RAB3C: variants seen among roughly 807,000 people sequenced by gnomAD.
RAB3C encodes the protein RAB3C, member RAS oncogene family.
A neutral mutation model predicts 26.4 loss-of-function variants in RAB3C; 17 were observed. The ratio of observed to expected loss-of-function variants is 0.64; its 90% CI spans 0.44 to 0.97. RAB3C has a LOEUF of 0.97. RAB3C is among the 50% of genes least tolerant of loss of function. The pLI, the probability that RAB3C is intolerant of heterozygous loss-of-function variation, is 0.00. For missense variants in RAB3C, 242 were observed against 281.9 expected (o/e 0.86, Z 1.01); for synonymous variants, 91 against 95.9 (o/e 0.95, Z 0.30).
chr5:58,740,142 C>T (rs1741246005), intron 3 of RAB3C, among the ~76,000 whole-genome samples: 1 of 152,180 alleles, frequency 6.6e-6, no homozygotes, highest in Non-Finnish European at 1.5e-5. Flanking sequence ...GGAGCCAGGC[C>T]AGGCAGGGGC....
chr5:58,756,336 ACATATATATGTTATATATATATAT>A, intron 3 of RAB3C, among the ~76,000 whole-genome samples: 1 of 138,744 alleles, frequency 7.2e-6, no homozygotes, highest in South Asian at 2.2e-4. Context: ...TATATATATA[ACATATATATGTTATATATATATAT>A]AACATATATA....
At chr5:58,638,204 AATT>A (rs2111762420) in intron 2 of RAB3C, among the ~76,000 whole-genome samples, 1 of 152,202 alleles carries the variant, frequency 6.6e-6, no homozygotes, top group East Asian at 1.9e-4. Flanking sequence ...TGCTTGTCAT[AATT>A]ATTCTTTTGA....
Position 58,708,883 on chromosome 5 carries a change from T to C in RAB3C, c.253-17119T>C, listed in dbSNP as rs114003194. Among the ~76,000 whole-genome samples, 402 of 152,362 alleles carry C rather than the reference T, an allele frequency of 2.6e-3. 1 individual carries two copies. Among genetic ancestry groups the C allele is most frequent in the African/African-American group, 8.9e-3 (370 of 41,586 alleles). On this transcript the variant is annotated intron_variant, in intron 2 of 4. Coordinates refer to ENST00000282878, the MANE Select transcript of RAB3C (RefSeq NM_138453.4). ...GAAAATAAAGAATTAAATTTTGCTG[T>C]ATACATGGGTTTTATTTCTCCAACA... is the stretch of plus-strand genomic sequence containing the variant.
intron 2 of RAB3C, among the ~76,000 whole-genome samples, chr5:58,670,218 A>G (rs1456666487): frequency 6.6e-6 from 1 of 152,130 alleles, no homozygotes; most frequent in African/African-American, 2.4e-5. Flanking sequence ...GCACTTCCTG[A>G]TGCCTTCATG....
chr5:58,658,043 T>A (rs950931589), intron 2 of RAB3C, among the ~76,000 whole-genome samples: 2 of 152,290 alleles, frequency 1.3e-5, no homozygotes, highest in African/African-American at 4.8e-5. Flanking sequence ...ACACTGTATA[T>A]CACTGCACAC....
At chr5:58,702,414 C>T (rs1748863811) in intron 2 of RAB3C, among the ~76,000 whole-genome samples, 1 of 152,146 alleles carries the variant, frequency 6.6e-6, no homozygotes, top group Non-Finnish European at 1.5e-5. Context: ...CCCTACAAAG[C>T]TTACATGCCA....
chr5:58,703,810 A>G (rs1748894899), intron 2 of RAB3C, among the ~76,000 whole-genome samples: 2 of 152,230 alleles, frequency 1.3e-5, no homozygotes, highest in South Asian at 4.1e-4. Flanking sequence ...CACTAAACTT[A>G]TAAAACTGTA....
At chr5:58,842,929 T>C (rs1171944684) in intron 4 of RAB3C, among the ~76,000 whole-genome samples, 1 of 152,190 alleles carries the variant, frequency 6.6e-6, no homozygotes. Flanking sequence ...AACTTGTAAA[T>C]GAAGCCAACA....
intron 3 of RAB3C, among the ~76,000 whole-genome samples, chr5:58,771,849 C>CTTTTTTTTTTTTTT (rs540125417): frequency 7.6e-6 from 1 of 131,944 alleles, no homozygotes; most frequent in African/African-American, 2.8e-5. Flanking sequence ...TTTTCTTTTT[C>CTTTTTTTTTTTTTT]TTTTTTTTTT....
At chr5:58,626,554 G>C (rs1034985868) in intron 2 of RAB3C, among the ~76,000 whole-genome samples, 2 of 152,152 alleles carry the variant, frequency 1.3e-5, no homozygotes, top group African/African-American at 4.8e-5. Context: ...TCAAATTATG[G>C]CTGTAAGATT....
chr5:58,728,974 T>C (rs1419481415), intron 3 of RAB3C, among the ~76,000 whole-genome samples: 1 of 152,000 alleles, frequency 6.6e-6, no homozygotes, highest in Admixed American at 6.6e-5. Context: ...CTTTAAAAAG[T>C]CTATTTACTT....
intron 3 of RAB3C, among the ~76,000 whole-genome samples, chr5:58,774,554 G>A (rs1342686075): frequency 2.0e-5 from 3 of 152,052 alleles, no homozygotes; most frequent in Non-Finnish European, 2.9e-5. Flanking sequence ...GGAGGTGGGT[G>A]GATGCAGATA....
chr5:58,729,673 CACAAT>C (rs1579883753), intron 3 of RAB3C, among the ~76,000 whole-genome samples: 1 of 147,892 alleles, frequency 6.8e-6, no homozygotes, highest in Non-Finnish European at 1.5e-5. Flanking sequence ...CACACATACA[CACAAT>C]ACGTGTTACA....
In RAB3C at chr5:58,726,558, C is replaced by A. The variant is rs1740895495; in HGVS notation, c.371+438C>A. 2.0e-5 allele frequency among the ~76,000 whole-genome samples: 3 copies of A among 151,926 alleles called. 1 individual carries two copies. In the South Asian group the frequency reaches 6.2e-4, roughly 31 times the overall value. On this transcript the variant is annotated intron_variant, in intron 3 of 4. Coordinates refer to ENST00000282878, the MANE Select transcript of RAB3C (RefSeq NM_138453.4). ...TCACTGTTGTCTTTGACTGCCTTAACACCACCACAGCAGAGTTAAGTAGTT... is the reference window on the plus strand; with the variant it reads ...TCACTGTTGTCTTTGACTGCCTTAAAACCACCACAGCAGAGTTAAGTAGTT...
intron 2 of RAB3C, among the ~76,000 whole-genome samples, chr5:58,695,166 A>G (rs1466628433): frequency 6.6e-6 from 1 of 152,214 alleles, no homozygotes; most frequent in Non-Finnish European, 1.5e-5. Context: ...CAGTTTTCCC[A>G]GCACCATTTA....
intron 3 of RAB3C, among the ~76,000 whole-genome samples, chr5:58,802,610 G>A (rs1263825388): frequency 6.6e-6 from 1 of 152,204 alleles, no homozygotes; most frequent in East Asian, 1.9e-4. Flanking sequence ...GGTCTAAAAA[G>A]TATTTTCTAG....
chr5:58,844,373 T>A (rs533179862), intron 4 of RAB3C, among the ~76,000 whole-genome samples: 2 of 152,348 alleles, frequency 1.3e-5, no homozygotes, highest in Admixed American at 1.3e-4. Context: ...ACCATTTTTT[T>A]AGTAGCACTA....
chr5:58,799,890 G>C (rs1742765683), intron 3 of RAB3C, among the ~76,000 whole-genome samples: 1 of 152,040 alleles, frequency 6.6e-6, no homozygotes, highest in African/African-American at 2.4e-5. Context: ...TAGTTACACT[G>C]ATAACACCTG....
intron 3 of RAB3C, among the ~76,000 whole-genome samples, chr5:58,762,510 T>G (rs1014494799): frequency 2.0e-5 from 3 of 152,100 alleles, no homozygotes; most frequent in African/African-American, 7.2e-5. Context: ...CTGGCCAACA[T>G]GGAGAAACCC....
Sources: gnomAD v4.1 joint callset for allele counts (sites outside exome capture counted in the v4.1 genomes callset) on GRCh38, gnomAD v4.1.1 for gene constraint, MANE v1.5 for transcripts, NCBI Gene and HGNC (gene_info 2026-07-23, HGNC 2026-07-21) for gene names.